The following NXPH3 variants were observed in gnomAD, a reference collection of about 807,000 sequenced individuals.
NXPH3 encodes the protein neurexophilin 3.
NXPH3 carries 7 observed loss-of-function variants against 18.8 expected under a neutral mutation model. That is an observed-to-expected ratio of 0.37 (90% CI 0.21 to 0.70). NXPH3 has a LOEUF of 0.70. NXPH3 is among the 30% of genes least tolerant of loss of function. NXPH3 has a pLI of 0.53. For synonymous variants in NXPH3, 101 were observed against 137.3 expected (o/e 0.74, Z 1.85); for missense variants, 282 against 338.1 (o/e 0.83, Z 1.30).
In NXPH3 at chr17:49,583,303, G is replaced by C. The variant is rs1036847339; in HGVS notation, c.*4003G>C. On this transcript the variant is annotated 3_prime_UTR_variant, in exon 2 of 2. Transcript: ENST00000328741. ...TGTGGTACTGCCAGGAGAACCGGGG[G>C]CTGGGGTGATGGGTAAGGAGAGGCA... The C allele has an allele frequency of 2.6e-5, 4 of 152,420 alleles. No homozygotes were observed. In the East Asian group the frequency reaches 7.7e-4, roughly 29 times the overall value. 9.4% of individuals were successfully genotyped at this position (152,420 alleles called of 1,614,324 possible). A position where few individuals can be genotyped will look rare whatever the true frequency, so the allele number is the denominator to read the frequency against.
In NXPH3 at chr17:49,579,702, G is replaced by A; in HGVS notation, c.*402G>A. 2 of 202,990 alleles carry A rather than the reference G, an allele frequency of 9.9e-6. No homozygotes were observed. The highest frequency in any genetic ancestry group is 1.0e-5 in the Non-Finnish European group (1 of 99,600). 12.6% of individuals were successfully genotyped at this position (202,990 alleles called of 1,614,324 possible). A position where few individuals can be genotyped will look rare whatever the true frequency, so the allele number is the denominator to read the frequency against. On this transcript the variant is annotated 3_prime_UTR_variant, in exon 2 of 2. Transcript: ENST00000328741. This position sits in a 1 kb window ranked among gnomAD's most constrained non-coding sequence, Gnocchi z 6.0. ...GAGGAAAGATAGCAACAGGGAGGGGGAGATTTCATCAGTGTGGACAGCCTG... is the reference window on the plus strand; with the variant it reads ...GAGGAAAGATAGCAACAGGGAGGGGAAGATTTCATCAGTGTGGACAGCCTG...
rs571131220 is a variant in NXPH3 at position 49,582,287 on chromosome 17, C to T, written c.*2987C>T. 5.0e-5 allele frequency: 10 copies of T among 199,246 alleles called. No homozygotes were observed. Among genetic ancestry groups the T allele is most frequent in the South Asian group, 3.8e-4 (3 of 7,986 alleles). 12.3% of individuals were successfully genotyped at this position (199,246 alleles called of 1,614,324 possible). ...TGAAGAAACCTGTCCCCACTCTGCC[C>T]AGACCCCAAAGGGCCAGGTCCTACT... On this transcript the variant is annotated 3_prime_UTR_variant, in exon 2 of 2. Coordinates refer to ENST00000328741, the MANE Select transcript of NXPH3 (RefSeq NM_007225.4).
At position 49,576,823 on chromosome 17, in the gene NXPH3, T is replaced by C. The variant is rs192028358; in HGVS notation, c.54+550T>C. ...CGCGCAGCCGGAGCCCCACAGGACTTGGGCAGGCGGCTCCCGCCCCAGGCA... is the reference window on the plus strand; with the variant it reads ...CGCGCAGCCGGAGCCCCACAGGACTCGGGCAGGCGGCTCCCGCCCCAGGCA... On this transcript the variant is annotated intron_variant, in intron 1 of 1. Coordinates refer to ENST00000328741, the MANE Select transcript of NXPH3 (RefSeq NM_007225.4). Among the ~76,000 whole-genome samples the C allele has an allele frequency of 1.3e-3, 195 of 150,232 alleles. 1 individual carries two copies. The highest frequency in any genetic ancestry group is 4.6e-3 in the African/African-American group (187 of 41,002).
In NXPH3 at chr17:49,579,451, C is replaced by T. The variant is rs1036316612; in HGVS notation, c.*151C>T. 4.5e-6 allele frequency: 3 copies of T among 667,852 alleles called. No homozygotes were observed. Among genetic ancestry groups the T allele is most frequent in the Non-Finnish European group, 7.5e-6 (3 of 398,206 alleles). The allele number at this position is 667,852 out of a possible 1,614,324, so 41.4% of individuals were successfully genotyped here. A position where few individuals can be genotyped will look rare whatever the true frequency, so the allele number is the denominator to read the frequency against. On this transcript the variant is annotated 3_prime_UTR_variant, in exon 2 of 2. Transcript: ENST00000328741. The surrounding 1 kb of genome is among the most constrained non-coding windows in gnomAD (Gnocchi z 6.0). ...ATGCCAAGTGGGGCCAGGGCCAAGT[C>T]TCAAGTGGCAGAGAAAGGGTCCCAA...
chr17:49,577,292 G>C (rs1292964701), intron 1 of NXPH3, among the ~76,000 whole-genome samples: 1 of 152,142 alleles, frequency 6.6e-6, no homozygotes, highest in Non-Finnish European at 1.5e-5. Context: ...CACAGCTGCC[G>C]GCAACACCCA....
intron 1 of NXPH3, among the ~76,000 whole-genome samples, chr17:49,577,246 C>G (rs1221705195): frequency 2.0e-5 from 3 of 152,152 alleles, no homozygotes; most frequent in Admixed American, 2.0e-4. Context: ...CAGGGCCAGC[C>G]TGAACTGTGG....
Position 49,582,309 on chromosome 17 carries a change from TACTC to T in NXPH3, c.*3012_*3015del. The T allele has an allele frequency of 1.7e-5, 3 of 177,500 alleles. No homozygotes were observed. The highest frequency in any genetic ancestry group is 3.6e-5 in the Non-Finnish European group (3 of 84,492). The allele number at this position is 177,500 out of a possible 1,614,324, so 11.0% of individuals were successfully genotyped here. On this transcript the variant is annotated 3_prime_UTR_variant, in exon 2 of 2. Transcript: ENST00000328741. ...GCCCAGACCCCAAAGGGCCAGGTCC[TACTC>T]ACACTCCAACCCGTTGACCTTCCCC... is the stretch of plus-strand genomic sequence containing the variant.
In NXPH3 at chr17:49,578,408, A is replaced by AC. The variant is rs2071581777; in HGVS notation, c.55-185dup. 1.3e-5 allele frequency among the ~76,000 whole-genome samples: 2 copies of AC among 149,876 alleles called. No individual in the cohort carries two copies. The highest frequency in any genetic ancestry group is 2.5e-5 in the African/African-American group (1 of 40,210). Reference sequence around the variant, plus strand: ...GGAAAGGACAATGGGGGGGGGGGTGACCCAACTGTCAGAACCTGAGATGTA... The same window carrying AC: ...GGAAAGGACAATGGGGGGGGGGGTGACCCCAACTGTCAGAACCTGAGATGTA... On this transcript the variant is annotated intron_variant, in intron 1 of 1. Transcript: ENST00000328741. The surrounding 1 kb of genome is among the most constrained non-coding windows in gnomAD (Gnocchi z 4.5).
rs1298453948 is a variant in NXPH3, at chr17:49,579,356, A to G, written c.*56A>G. 1 of 1,455,274 alleles carries G rather than the reference A, an allele frequency of 6.9e-7. No individual in the cohort carries two copies. The highest frequency in any genetic ancestry group is 9.3e-7 in the Non-Finnish European group (1 of 1,070,094). The allele number at this position is 1,455,274 out of a possible 1,614,324, so 90.1% of individuals were successfully genotyped here. A position where few individuals can be genotyped will look rare whatever the true frequency, so the allele number is the denominator to read the frequency against. ...GCTGGAAGGACAGGCCTGCCCATGC[A>G]GGAGACCATCTGGACACCGGGCAGG... On this transcript the variant is annotated 3_prime_UTR_variant, in exon 2 of 2. Transcript: ENST00000328741. This position sits in a 1 kb window ranked among gnomAD's most constrained non-coding sequence, Gnocchi z 6.0.
rs1007952790 is a variant in NXPH3, at chr17:49,583,282, G to A, written c.*3982G>A. On this transcript the variant is annotated 3_prime_UTR_variant, in exon 2 of 2. Transcript: ENST00000328741. Reference sequence around the variant, plus strand: ...ACTTCCAAAGATTCCGAGTCCTGTGGTACTGCCAGGAGAACCGGGGGCTGG... The same window carrying A: ...ACTTCCAAAGATTCCGAGTCCTGTGATACTGCCAGGAGAACCGGGGGCTGG... 19 of 152,336 alleles carry A rather than the reference G, an allele frequency of 1.2e-4. No individual in the cohort carries two copies. Among genetic ancestry groups the A allele is most frequent in the African/African-American group, 4.3e-4 (18 of 41,444 alleles). 9.4% of individuals were successfully genotyped at this position (152,336 alleles called of 1,614,324 possible).
Position 49,579,063 on chromosome 17 carries a change from CT to C in NXPH3, c.523del (p.Cys175AlafsTer8), listed in dbSNP as rs1296109498. On this transcript the variant is annotated frameshift_variant, in exon 2 of 2. Transcript: ENST00000328741. LOFTEE classifies it high-confidence loss of function. The surrounding 1 kb of genome is among the most constrained non-coding windows in gnomAD (Gnocchi z 6.0). ...IEAKASKIFN[C>X]RMEWEKVERG... Reference sequence around the variant, plus strand: ...AAGCCAAGGCCTCCAAAATCTTCAACTGCCGGATGGAGTGGGAGAAGGTAGA... The same window carrying C: ...AAGCCAAGGCCTCCAAAATCTTCAACGCCGGATGGAGTGGGAGAAGGTAGA... The C allele has an allele frequency of 6.2e-7, 1 of 1,614,164 alleles. No individual in the cohort carries two copies. The highest frequency in any genetic ancestry group is 8.5e-7 in the Non-Finnish European group (1 of 1,180,042).
At position 49,579,074 on chromosome 17, in the gene NXPH3, A is replaced by G. The variant is rs17852089; in HGVS notation, c.533A>G (p.Glu178Gly). Residue 178 changes from glutamate (E) to glycine (G), a missense_variant, in exon 2 of 2, where the codon GAG becomes GGG. Glu to Gly is a moderately conservative substitution (Grantham distance 98). Coordinates refer to ENST00000328741, the MANE Select transcript of NXPH3 (RefSeq NM_007225.4). This position sits in a 1 kb window ranked among gnomAD's most constrained non-coding sequence, Gnocchi z 6.0. ...TCCAAAATCTTCAACTGCCGGATGG[A>G]GTGGGAGAAGGTAGAACGGGGCCGC... is the stretch of plus-strand genomic sequence containing the variant. ...KASKIFNCRM[E>G]WEKVERGRRT... The G allele has an allele frequency of 9.3e-6, 15 of 1,614,086 alleles. No individual in the cohort carries two copies. The highest frequency in any genetic ancestry group is 1.3e-5 in the Non-Finnish European group (15 of 1,180,010).
In NXPH3 at chr17:49,575,897, C is replaced by T; in HGVS notation, c.-323C>T. The T allele has an allele frequency of 3.3e-6, 1 of 299,528 alleles. No homozygotes were observed. The highest frequency in any genetic ancestry group is 7.8e-5 in the South Asian group (1 of 12,878). The allele number at this position is 299,528 out of a possible 1,614,324, so 18.6% of individuals were successfully genotyped here. ...GCACATCTGGGCGAGAGCGGCGCCGCTGGAGCCGAGGGGGGCGCCGAGCGC... is the reference window on the plus strand; with the variant it reads ...GCACATCTGGGCGAGAGCGGCGCCGTTGGAGCCGAGGGGGGCGCCGAGCGC... On this transcript the variant is annotated 5_prime_UTR_variant, in exon 1 of 2. Coordinates refer to ENST00000328741, the MANE Select transcript of NXPH3 (RefSeq NM_007225.4). This position sits in a 1 kb window ranked among gnomAD's most constrained non-coding sequence, Gnocchi z 4.3.
rs2071599458 is a variant in NXPH3 at position 49,581,399 on chromosome 17, A to G, written c.*2099A>G. 8.4e-6 allele frequency: 5 copies of G among 595,348 alleles called. No individual in the cohort carries two copies. Among genetic ancestry groups the G allele is most frequent in the Non-Finnish European group, 1.5e-5 (5 of 334,716 alleles). 36.9% of individuals were successfully genotyped at this position (595,348 alleles called of 1,614,324 possible). ...AGAGGAGAGTCCTGGCAGTAAGGTA[A>G]GATGGGCTTGCCACCCCCCACCTTT... On this transcript the variant is annotated 3_prime_UTR_variant, in exon 2 of 2. Transcript: ENST00000328741.
At chr17:49,576,577 C>T (rs2071572320) in intron 1 of NXPH3, among the ~76,000 whole-genome samples, 1 of 152,062 alleles carries the variant, frequency 6.6e-6, no homozygotes, top group Admixed American at 6.5e-5. Context: ...CTTCCCAGAG[C>T]CTCAGGACCG....
At position 49,579,301 on chromosome 17, in the gene NXPH3, C is replaced by A. The variant is rs1425611108; in HGVS notation, c.*1C>A. The A allele has an allele frequency of 6.3e-7, 1 of 1,593,450 alleles. No homozygotes were observed. The highest frequency in any genetic ancestry group is 1.7e-5 in the Admixed American group (1 of 59,896). On this transcript the variant is annotated 3_prime_UTR_variant, in exon 2 of 2. Transcript: ENST00000328741. The surrounding 1 kb of genome is among the most constrained non-coding windows in gnomAD (Gnocchi z 6.0). ...TACCCCCTACTACCCATCTGGGTGACCCGGGGCAGGCCACAGAGGCCAGGC... is the reference window on the plus strand; with the variant it reads ...TACCCCCTACTACCCATCTGGGTGAACCGGGGCAGGCCACAGAGGCCAGGC...
rs2071600127 is a variant in NXPH3, at chr17:49,581,490, G to T, written c.*2190G>T. The stretch of plus-strand genomic sequence containing the variant: ...ATACTGCAGCGCAGAGTTGGGTGGG[G>T]CTGAGAAGCCATCTGGTTACAGCCC... On this transcript the variant is annotated 3_prime_UTR_variant, in exon 2 of 2. Coordinates refer to ENST00000328741, the MANE Select transcript of NXPH3 (RefSeq NM_007225.4). 6 of 633,042 alleles carry T rather than the reference G, an allele frequency of 9.5e-6. No individual in the cohort carries two copies. In the East Asian group the frequency reaches 1.6e-4, roughly 17 times the overall value. 39.2% of individuals were successfully genotyped at this position (633,042 alleles called of 1,614,324 possible). A position where few individuals can be genotyped will look rare whatever the true frequency, so the allele number is the denominator to read the frequency against.
intron 1 of NXPH3, among the ~76,000 whole-genome samples, chr17:49,577,069 C>G (rs1360167827): frequency 6.6e-6 from 1 of 152,178 alleles, no homozygotes; most frequent in Non-Finnish European, 1.5e-5. Context: ...GCCACCGCCC[C>G]ATGCCACTGT....
Position 49,580,465 on chromosome 17 carries a change from C to G in NXPH3, c.*1165C>G, listed in dbSNP as rs2071594779. The G allele has an allele frequency of 6.6e-6, 1 of 152,232 alleles. No homozygotes were observed. The allele number at this position is 152,232 out of a possible 1,614,324, so 9.4% of individuals were successfully genotyped here. ...GCTTGAGACCCAAGTGGCAGGGATC[C>G]AACCGCCCTTGGCGCTGATGTTTGC... On this transcript the variant is annotated 3_prime_UTR_variant, in exon 2 of 2. Transcript: ENST00000328741.
Sources: gnomAD v4.1 joint callset for allele counts (sites outside exome capture counted in the v4.1 genomes callset) on GRCh38, gnomAD v4.1.1 for gene constraint, Gnocchi (gnomAD v3.1) non-coding constraint, MANE v1.5 for transcripts, NCBI Gene and HGNC (gene_info 2026-07-23, HGNC 2026-07-21) for gene names.